The following WWOX variants were observed in gnomAD, a reference collection of about 807,000 sequenced individuals.
WWOX encodes the protein WW domain containing oxidoreductase, also known as WW domain-containing oxidoreductase.
In WWOX, 69 loss-of-function variants were observed where a neutral mutation model predicts 46.2. The observed-to-expected ratio is 1.49, with a 90% CI of 1.23 to 1.82. The LOEUF (loss-of-function observed/expected upper bound fraction) is 1.82. Ranked by LOEUF, WWOX falls within the 40% of genes most tolerant of loss-of-function variation. The pLI, the probability that WWOX is intolerant of heterozygous loss-of-function variation, is 0.00. For missense variants in WWOX, 919 were observed against 542.6 expected, an observed-to-expected ratio of 1.69 and a Z score of -6.89; for synonymous variants, 359 against 202.6, an observed-to-expected ratio of 1.77 and a Z score of -6.56.
intron 8 of WWOX, among the ~76,000 whole-genome samples, chr16:78,776,003 C>T (rs192970195): frequency 1.4e-4 from 22 of 152,292 alleles, no homozygotes; most frequent in Non-Finnish European, 2.4e-4. Flanking sequence ...ATTTATTTTT[C>T]TCTGCAGGAC....
chr16:78,412,683 C>T (rs2082710298), intron 6 of WWOX, among the ~76,000 whole-genome samples: 1 of 152,128 alleles, frequency 6.6e-6, no homozygotes, highest in Non-Finnish European at 1.5e-5. Flanking sequence ...GCAGTCTAGT[C>T]TTAGCAGAGA....
At chr16:78,657,479 G>T (rs1018350506) in intron 8 of WWOX, among the ~76,000 whole-genome samples, 2 of 152,100 alleles carry the variant, frequency 1.3e-5, no homozygotes, top group African/African-American at 2.4e-5. Flanking sequence ...CTGCCACTAC[G>T]ATGCATGCTG....
At chr16:78,445,345 C>G (rs898524225) in intron 8 of WWOX, among the ~76,000 whole-genome samples, 1 of 152,188 alleles carries the variant, frequency 6.6e-6, no homozygotes, top group Non-Finnish European at 1.5e-5. Flanking sequence ...AATCATGTCA[C>G]AAGATCTTGT....
At chr16:78,807,225 A>C (rs2051064057) in intron 8 of WWOX, among the ~76,000 whole-genome samples, 1 of 152,158 alleles carries the variant, frequency 6.6e-6, no homozygotes, top group Non-Finnish European at 1.5e-5. Context: ...TGAATTTTCC[A>C]CTGAGTCGCA....
At chr16:78,565,535 G>T (rs1271834031) in intron 8 of WWOX, among the ~76,000 whole-genome samples, 1 of 152,132 alleles carries the variant, frequency 6.6e-6, no homozygotes, top group East Asian at 1.9e-4. Context: ...TCTCTTATAA[G>T]GACCCTTTTG....
intron 8 of WWOX, among the ~76,000 whole-genome samples, chr16:79,210,723 TGCAAA>T (rs2051703296): frequency 6.6e-6 from 1 of 151,960 alleles, no homozygotes; most frequent in Non-Finnish European, 1.5e-5. Flanking sequence ...AATTATGGCT[TGCAAA>T]GCAAAGTGAT....
rs1247464732 is a variant in WWOX, at chr16:78,800,902, C to T, written c.1056+368150C>T. On this transcript the variant is annotated intron_variant, in intron 8 of 8. Transcript: ENST00000566780. ...TTTAGAAAGCTTTTGCAAGGCATTCCCCAATATAACCATTAAGCATCAAAC... is the reference window on the plus strand; with the variant it reads ...TTTAGAAAGCTTTTGCAAGGCATTCTCCAATATAACCATTAAGCATCAAAC... Among the ~76,000 whole-genome samples, 2 of 151,990 alleles carry T rather than the reference C, an allele frequency of 1.3e-5. 1 individual carries two copies. Among genetic ancestry groups the T allele is most frequent in the Middle Eastern group, 6.3e-3 (2 of 316 alleles).
intron 5 of WWOX, among the ~76,000 whole-genome samples, chr16:78,221,898 C>T (rs2036900949): frequency 6.6e-6 from 1 of 152,158 alleles, no homozygotes; most frequent in Non-Finnish European, 1.5e-5. Flanking sequence ...TTGGGTAATT[C>T]ATTGGGCCCT....
intron 8 of WWOX, among the ~76,000 whole-genome samples, chr16:79,094,399 G>T (rs2049027431): frequency 6.6e-6 from 1 of 151,906 alleles, no homozygotes; most frequent in African/African-American, 2.4e-5. Context: ...ACAGGCGCCC[G>T]CCACCATGTC....
intron 8 of WWOX, among the ~76,000 whole-genome samples, chr16:78,546,091 C>T (rs541374310): frequency 6.6e-6 from 1 of 152,180 alleles, no homozygotes; most frequent in East Asian, 1.9e-4. Flanking sequence ...TGGTCCCTAC[C>T]CTCTGTCAGT....
At chr16:78,619,211 A>G (rs1337996629) in intron 8 of WWOX, among the ~76,000 whole-genome samples, 2 of 70,306 alleles carry the variant, frequency 2.8e-5, no homozygotes, top group Non-Finnish European at 5.1e-5. Context: ...ATATATATAT[A>G]TATGTAGCCA....
At chr16:78,898,016 T>C (rs202071446) in intron 8 of WWOX, 1 of 45,974 alleles carries the variant, frequency 2.2e-5, no homozygotes, top group African/African-American at 2.8e-4. Flanking sequence ...TAGATAGTCT[T>C]TTTAATATTG....
At chr16:78,948,573 T>G (rs535491851) in intron 8 of WWOX, among the ~76,000 whole-genome samples, 27 of 152,266 alleles carry the variant, frequency 1.8e-4, no homozygotes, top group African/African-American at 6.3e-4. Context: ...TCATGCCTGC[T>G]GCCTCCTCAT....
At chr16:78,947,817 A>T (rs8061399) in intron 8 of WWOX, among the ~76,000 whole-genome samples, 5,904 of 152,270 alleles carry the variant, frequency 0.039, 377 homozygotes, top group African/African-American at 0.13. Context: ...TAAAAGCCAA[A>T]ATATGTATAG....
chr16:78,228,693 C>A (rs2037151145), intron 5 of WWOX, among the ~76,000 whole-genome samples: 1 of 152,112 alleles, frequency 6.6e-6, no homozygotes, highest in Non-Finnish European at 1.5e-5. Context: ...AAAAATTCAC[C>A]TTGTAGAACT....
At chr16:78,655,355 G>A (rs2047056968) in intron 8 of WWOX, among the ~76,000 whole-genome samples, 2 of 152,118 alleles carry the variant, frequency 1.3e-5, no homozygotes, top group Non-Finnish European at 2.9e-5. Context: ...ATATAATAAC[G>A]TTGGCTTGAT....
chr16:78,498,132 G>C lies in WWOX; in HGVS notation c.1056+65380G>C, dbSNP rs529244364. Among the ~76,000 whole-genome samples the C allele has an allele frequency of 6.1e-3, 903 of 147,876 alleles. 5 individuals carry two copies. The highest frequency in any genetic ancestry group is 0.021 in the African/African-American group (850 of 40,842). ...AGGCAGGAGAATGGCATGAACATGG[G>C]AGGTGGAGCTTGCAGTGAGCCGAGA... On this transcript the variant is annotated intron_variant, in intron 8 of 8. Coordinates refer to ENST00000566780, the MANE Select transcript of WWOX (RefSeq NM_016373.4).
chr16:78,527,978 A>G (rs1367765031), intron 8 of WWOX, among the ~76,000 whole-genome samples: 2 of 112,726 alleles, frequency 1.8e-5, no homozygotes, highest in Non-Finnish European at 3.7e-5. Flanking sequence ...ATGTCACAGG[A>G]CTGGTACATG....
chr16:79,042,741 T>TTC (rs929255360), intron 8 of WWOX, among the ~76,000 whole-genome samples: 7 of 151,712 alleles, frequency 4.6e-5, no homozygotes, highest in African/African-American at 1.7e-4. Context: ...TTTTTTTTTT[T>TTC]TTCTTCTAAC....
Sources: gnomAD v4.1 joint callset for allele counts (sites outside exome capture counted in the v4.1 genomes callset) on GRCh38, gnomAD v4.1.1 for gene constraint, MANE v1.5 for transcripts, NCBI Gene and HGNC (gene_info 2026-07-23, HGNC 2026-07-21) for gene names.